Variants in MNS1 observed in about 807,000 individuals in gnomAD.
The protein encoded by MNS1 is meiosis specific nuclear structural 1, also known as meiosis-specific nuclear structural protein 1.
A neutral mutation model predicts 72.0 loss-of-function variants in MNS1; 63 were observed. The ratio of observed to expected loss-of-function variants is 0.87; its 90% CI spans 0.71 to 1.08. The LOEUF (loss-of-function observed/expected upper bound fraction) is 1.08, where lower values mean the gene tolerates loss of function less well. Ranked by LOEUF, MNS1 falls within the 50% of genes least tolerant of loss-of-function variation. The pLI is 0.00. For missense variants in MNS1, 604 were observed against 562.4 expected, an observed-to-expected ratio of 1.07 and a Z score of -0.75; for synonymous variants, 188 against 172.1, an observed-to-expected ratio of 1.09 and a Z score of -0.72.
chr15:56,460,278 A>C (rs1375174380), intron 2 of MNS1, among the ~76,000 whole-genome samples: 1 of 151,908 alleles, frequency 6.6e-6, no homozygotes, highest in Non-Finnish European at 1.5e-5. Context: ...GAGGGGTCTT[A>C]TCTCTGGTGT....
chr15:56,462,664 G>A (rs1311662244), intron 2 of MNS1, among the ~76,000 whole-genome samples: 1 of 152,108 alleles, frequency 6.6e-6, no homozygotes, highest in Non-Finnish European at 1.5e-5. Context: ...CAATTAAGAG[G>A]GACTTAAACA....
At chr15:56,461,403 G>A (rs557173487) in intron 2 of MNS1, among the ~76,000 whole-genome samples, 4 of 152,156 alleles carry the variant, frequency 2.6e-5, no homozygotes, top group Non-Finnish European at 5.9e-5. Flanking sequence ...GCTGACACAT[G>A]TAATCCCAGC....
At chr15:56,449,863 G>T (rs939138913) in intron 3 of MNS1, among the ~76,000 whole-genome samples, 12 of 152,004 alleles carry the variant, frequency 7.9e-5, no homozygotes, top group Non-Finnish European at 1.8e-4. Flanking sequence ...TCCTGCTATG[G>T]TCCATTAAGT....
chr15:56,450,017 C>T (rs764822414), intron 3 of MNS1, among the ~76,000 whole-genome samples: 3 of 152,090 alleles, frequency 2.0e-5, no homozygotes, highest in Non-Finnish European at 4.4e-5. Flanking sequence ...ATTTGTTCTA[C>T]TTTATGTTTA....
chr15:56,455,264 A>AC (rs2050974267), intron 3 of MNS1, among the ~76,000 whole-genome samples: 1 of 133,952 alleles, frequency 7.5e-6, no homozygotes, highest in Non-Finnish European at 1.7e-5. Context: ...AAAAAAAAAA[A>AC]AAAAAAACCA....
chr15:56,443,935 C>G (rs1454768131), intron 5 of MNS1, 81 bp from the exon 6 acceptor site: 1 of 1,063,536 alleles, frequency 9.4e-7, no homozygotes, highest in African/African-American at 1.6e-5. Flanking sequence ...TAATAATGTA[C>G]AGAAAAACAC....
At chr15:56,444,342 T>A in intron 5 of MNS1, 102 bp downstream of exon 5, 1 of 904,666 alleles carries the variant, frequency 1.1e-6, no homozygotes, top group Admixed American at 3.0e-5. Flanking sequence ...GAGCACTTAC[T>A]ATGTATTAGG....
intron 3 of MNS1, chr15:56,447,254 T>G (rs143583518): frequency 2.0e-4 from 36 of 183,206 alleles, no homozygotes; most frequent in Admixed American, 1.2e-3. Context: ...GTCTCCAATT[T>G]TGGTCATCTT....
intron 7 of MNS1, among the ~76,000 whole-genome samples, chr15:56,440,505 A>T (rs2050799233): frequency 1.3e-5 from 2 of 152,096 alleles, no homozygotes; most frequent in Non-Finnish European, 2.9e-5. Context: ...TTATACAAAA[A>T]CCTTTACCTG....
chr15:56,455,247 G>A (rs1596267399), intron 3 of MNS1, among the ~76,000 whole-genome samples: 1 of 82,894 alleles, frequency 1.2e-5, no homozygotes, highest in African/African-American at 4.8e-5. Flanking sequence ...ATCGTCAGGT[G>A]AAAAAAAAAA....
Position 56,434,125 on chromosome 15 carries a change from A to G in MNS1, c.1269+13T>C. 6.2e-7 allele frequency: 1 copy of G among 1,603,344 alleles called. No individual in the cohort carries two copies. The highest frequency in any genetic ancestry group is 8.5e-7 in the Non-Finnish European group (1 of 1,176,006). On this transcript the variant is annotated intron_variant, in intron 8 of 9. Coordinates refer to ENST00000260453, the MANE Select transcript of MNS1 (RefSeq NM_018365.4). ...ATGATAATGACCAAAAAAACCCCAC[A>G]ACTTTTTCTTACTTTGTCTGCAAGG...
intron 8 of MNS1, among the ~76,000 whole-genome samples, chr15:56,433,474 A>G (rs1344186817): frequency 6.6e-6 from 1 of 152,140 alleles, no homozygotes; most frequent in Non-Finnish European, 1.5e-5. Flanking sequence ...TATTAGGGGT[A>G]GCCTTAAGTC....
intron 2 of MNS1, among the ~76,000 whole-genome samples, chr15:56,463,067 T>C (rs1272311512): frequency 6.6e-6 from 1 of 152,196 alleles, no homozygotes; most frequent in Admixed American, 6.5e-5. Flanking sequence ...ATGTTTAACA[T>C]ACAGCAGCTA....
At chr15:56,449,850 A>G (rs1346986251) in intron 3 of MNS1, among the ~76,000 whole-genome samples, 4 of 152,218 alleles carry the variant, frequency 2.6e-5, no homozygotes, top group Admixed American at 6.5e-5. Context: ...ATTGTTTGCA[A>G]TATCCTGCTA....
At chr15:56,437,177 G>A (rs2050741347) in intron 7 of MNS1, among the ~76,000 whole-genome samples, 1 of 152,128 alleles carries the variant, frequency 6.6e-6, no homozygotes, top group African/African-American at 2.4e-5. Flanking sequence ...GAGAATTTAA[G>A]ACCAATATCC....
At chr15:56,437,955 G>A (rs1474546284) in intron 7 of MNS1, among the ~76,000 whole-genome samples, 3 of 152,148 alleles carry the variant, frequency 2.0e-5, no homozygotes, top group Non-Finnish European at 4.4e-5. Context: ...ACTGCTCAAC[G>A]AAATAAAAGA....
chr15:56,434,172 A>G lies in MNS1; in HGVS notation c.1235T>C (p.Ile412Thr), dbSNP rs141471701. The change falls in exon 8 of 10, where the codon ATT becomes ACT. Residue 412 changes from isoleucine to threonine, a missense_variant. By Grantham distance (89) the Ile-to-Thr change is moderately conservative. Transcript: ENST00000260453. Reference sequence around the variant, plus strand: ...AAGGAATTGTTGGCGACGCTCTTCAATAAGTTTTTCCACAGCCCTCCTGTG... The same window carrying G: ...AAGGAATTGTTGGCGACGCTCTTCAGTAAGTTTTTCCACAGCCCTCCTGTG... ...LEHRRAVEKLIEERRQQFLAD... is the reference protein window; with the variant it reads ...LEHRRAVEKLTEERRQQFLAD... 45 of 1,613,492 alleles carry G rather than the reference A, an allele frequency of 2.8e-5. No individual in the cohort carries two copies. The highest frequency in any genetic ancestry group is 1.0e-4 in the Admixed American group (6 of 59,946).
chr15:56,456,552 C>G (rs1377580672), intron 2 of MNS1, 31 bp from the exon 3 acceptor site: 2 of 1,591,730 alleles, frequency 1.3e-6, no homozygotes, highest in African/African-American at 1.4e-5. Context: ...CGTTGTTTGT[C>G]CTCTAGAATC....
chr15:56,437,664 G>A (rs2050750512), intron 7 of MNS1, among the ~76,000 whole-genome samples: 1 of 152,180 alleles, frequency 6.6e-6, no homozygotes, highest in Admixed American at 6.5e-5. Flanking sequence ...TAGGAAAAGA[G>A]GAAGTCAAAT....
Sources: allele counts gnomAD v4.1 joint callset (sites outside exome capture counted in the v4.1 genomes callset), GRCh38; gene constraint gnomAD v4.1.1; transcripts MANE v1.5; gene names NCBI Gene and HGNC (gene_info 2026-07-23, HGNC 2026-07-21).